Variants in PTGES3 observed in about 807,000 individuals in gnomAD.
PTGES3 encodes prostaglandin E synthase 3.
Under a neutral mutation model 29.9 loss-of-function variants are expected in PTGES3, and 5 were observed. The ratio of observed to expected loss-of-function variants is 0.17; its 90% CI spans 0.09 to 0.35. The LOEUF (loss-of-function observed/expected upper bound fraction) is 0.35, where lower values mean the gene tolerates loss of function less well. Ranked by LOEUF, PTGES3 falls within the 10% of genes least tolerant of loss-of-function variation. The pLI is 1.00. For missense variants in PTGES3, 128 were observed against 190.0 expected (o/e 0.67, Z 1.92); for synonymous variants, 49 against 57.8 (o/e 0.85, Z 0.69).
chr12:56,676,929 A>AAAG (rs1408959430), intron 1 of PTGES3, among the ~76,000 whole-genome samples: 6 of 136,610 alleles, frequency 4.4e-5, no homozygotes, highest in African/African-American at 1.5e-4. Flanking sequence ...TCAAAAAAAA[A>AAAG]AAAAAAAAAA....
At chr12:56,671,872 C>A in intron 3 of PTGES3, 25 bp from the exon 4 acceptor site, 1 of 1,375,480 alleles carries the variant, frequency 7.3e-7, no homozygotes, top group South Asian at 1.4e-5. Context: ...ACCATCATAC[C>A]ATTTATCTTT....
chr12:56,669,721 C>G (rs967529955), intron 5 of PTGES3, among the ~76,000 whole-genome samples: 1 of 152,206 alleles, frequency 6.6e-6, no homozygotes, highest in African/African-American at 2.4e-5. Context: ...AAGCAATTCC[C>G]GTTTCAGCCT....
chr12:56,687,760 G>A, intron 1 of PTGES3: 4 of 1,380,058 alleles, frequency 2.9e-6, no homozygotes, highest in Non-Finnish European at 3.7e-6. Context: ...GGTAAAAGTA[G>A]GATTTCCGGC....
At chr12:56,684,372 G>A (rs540670458) in intron 1 of PTGES3, among the ~76,000 whole-genome samples, 2 of 152,304 alleles carry the variant, frequency 1.3e-5, no homozygotes, top group African/African-American at 2.4e-5. Flanking sequence ...CCAGTTGCCA[G>A]GTTACAGTGC....
At chr12:56,687,763 T>C in intron 1 of PTGES3, 2 of 1,379,786 alleles carry the variant, frequency 1.4e-6, no homozygotes, top group East Asian at 6.1e-5. Context: ...AAAAGTAGGA[T>C]TTCCGGCATG....
chr12:56,681,159 T>A (rs1368933892), intron 1 of PTGES3, among the ~76,000 whole-genome samples: 2 of 152,124 alleles, frequency 1.3e-5, no homozygotes, highest in Non-Finnish European at 2.9e-5. Flanking sequence ...CTTGATCTCG[T>A]GAACCCCAAT....
intron 4 of PTGES3, 70 bp downstream of exon 4, chr12:56,671,679 C>T: frequency 2.0e-6 from 2 of 1,001,462 alleles, no homozygotes; most frequent in Non-Finnish European, 2.9e-6. Context: ...TTCCTTACAT[C>T]AAATAAGTAC....
chr12:56,667,156 G>T (rs1372546360), intron 5 of PTGES3, among the ~76,000 whole-genome samples: 1 of 152,112 alleles, frequency 6.6e-6, no homozygotes, highest in African/African-American at 2.4e-5. Context: ...CTGGCCTCAA[G>T]TGATCCCCTT....
chr12:56,679,683 T>C (rs1403492947), intron 1 of PTGES3, among the ~76,000 whole-genome samples: 1 of 151,918 alleles, frequency 6.6e-6, no homozygotes, highest in Non-Finnish European at 1.5e-5. Flanking sequence ...GTTTGTTTTT[T>C]TAGACGGAGT....
At chr12:56,681,207 C>T (rs1952522754) in intron 1 of PTGES3, among the ~76,000 whole-genome samples, 1 of 152,020 alleles carries the variant, frequency 6.6e-6, no homozygotes, top group African/African-American at 2.4e-5. Flanking sequence ...TCGGACAGCC[C>T]CTTTATGATT....
chr12:56,670,195 G>A (rs1296929247), intron 5 of PTGES3, 80 bp downstream of exon 5: 1 of 945,696 alleles, frequency 1.1e-6, no homozygotes, highest in Non-Finnish European at 1.7e-6. Flanking sequence ...ACCATTAGGT[G>A]CCCAAAACCA....
chr12:56,667,437 T>TA (rs1165412351), intron 5 of PTGES3, among the ~76,000 whole-genome samples: 8 of 152,192 alleles, frequency 5.3e-5, no homozygotes, highest in African/African-American at 1.7e-4. Context: ...CTTAAAAAGA[T>TA]AGTCAAACAT....
chr12:56,676,441 G>A (rs1475759041), intron 1 of PTGES3, among the ~76,000 whole-genome samples: 6 of 152,094 alleles, frequency 3.9e-5, no homozygotes, highest in Admixed American at 3.3e-4. Context: ...GGAGTCCTGA[G>A]AGTCTAAAAT....
At chr12:56,682,471 G>A (rs973003410) in intron 1 of PTGES3, among the ~76,000 whole-genome samples, 4 of 151,984 alleles carry the variant, frequency 2.6e-5, no homozygotes, top group African/African-American at 7.2e-5. Context: ...CAAGGCAGGA[G>A]GATGGCTTGA....
rs7309915 is a variant in PTGES3 at position 56,687,173 on chromosome 12, G to C, written c.2+825C>G. The C allele has an allele frequency of 2.2e-4, 231 of 1,034,406 alleles. No homozygotes were observed. The African/African-American group carries it at 3.5e-3, about 16-fold the overall frequency. 64.1% of individuals were successfully genotyped at this position (1,034,406 alleles called of 1,614,324 possible). ...ACCTCCACACAAATTTAAGATCTTT[G>C]GGACGACTGTAGGTTAATTAAATGC... On this transcript the variant is annotated intron_variant, in intron 1 of 7. Coordinates refer to ENST00000262033, the MANE Select transcript of PTGES3 (RefSeq NM_006601.7).
rs1050136169 is a variant in PTGES3, at chr12:56,672,723, G to C, written c.186+17C>G. On this transcript the variant is annotated intron_variant, in intron 3 of 7. Transcript: ENST00000262033. ...CCTCACAACTAAAATTTGGATTAAA[G>C]CATAAAGACTACTTACATTTGGATC... 19 of 1,536,416 alleles carry C rather than the reference G, an allele frequency of 1.2e-5. No homozygotes were observed. Among genetic ancestry groups the C allele is most frequent in the Non-Finnish European group, 1.7e-5 (19 of 1,142,936 alleles).
At chr12:56,680,356 T>G (rs1952472911) in intron 1 of PTGES3, among the ~76,000 whole-genome samples, 1 of 151,606 alleles carries the variant, frequency 6.6e-6, no homozygotes. Context: ...ATTATAGGTG[T>G]GAGTCACTGC....
intron 1 of PTGES3, chr12:56,687,736 C>T: frequency 7.3e-7 from 1 of 1,365,294 alleles, no homozygotes; most frequent in South Asian, 1.7e-5. Context: ...GCGAGTAACC[C>T]AGACAGCCAA....
intron 5 of PTGES3, among the ~76,000 whole-genome samples, chr12:56,669,186 GTTTTAT>G (rs757767056): frequency 6.7e-6 from 1 of 150,360 alleles, no homozygotes; most frequent in Non-Finnish European, 1.5e-5. Flanking sequence ...TTTTTTTGTA[GTTTTAT>G]TTAATTATTT....
Sources: allele counts gnomAD v4.1 joint callset (sites outside exome capture counted in the v4.1 genomes callset), GRCh38; gene constraint gnomAD v4.1.1; transcripts MANE v1.5; gene names NCBI Gene and HGNC (gene_info 2026-07-23, HGNC 2026-07-21).